TRMT112: variants seen among roughly 807,000 people sequenced by gnomAD.
The protein encoded by TRMT112 is tRNA methyltransferase activator subunit 11-2, also known as multifunctional methyltransferase subunit TRM112-like protein.
Under a neutral mutation model 13.8 loss-of-function variants are expected in TRMT112, and 9 were observed. The observed-to-expected ratio is 0.65, with a 90% CI of 0.39 to 1.14. TRMT112 has a LOEUF of 1.14. TRMT112 is among the 50% of genes most tolerant of loss of function. The pLI is 0.01. For synonymous variants in TRMT112, 64 were observed against 67.0 expected, an observed-to-expected ratio of 0.96 and a Z score of 0.22; for missense variants, 196 against 165.5, an observed-to-expected ratio of 1.18 and a Z score of -1.01.
chr11:64,317,330 G>T lies in TRMT112; in HGVS notation c.114C>A (p.Asn38Lys). 6.2e-7 allele frequency: 1 copy of T among 1,614,190 alleles called. No homozygotes were observed. Among genetic ancestry groups the T allele is most frequent in the Non-Finnish European group, 8.5e-7 (1 of 1,180,032 alleles). Residue 38 changes from asparagine to lysine, a missense_variant, in exon 2 of 4, where the codon AAC (asparagine) becomes AAA (lysine). Physicochemically the swap from Asn to Lys is moderately conservative, Grantham distance 94 (BLOSUM62 0). Transcript: ENST00000544844. ...TEVRICPVEFNPNFVARMIPK... is the reference protein window; with the variant it reads ...TEVRICPVEFKPNFVARMIPK... ...GTATCATACGCGCCACGAAGTTGGG[G>T]TTGAATTCCACAGGGCAGATACGGA...
intron 2 of TRMT112, 52 bp from the exon 3 acceptor site, chr11:64,317,199 G>A: frequency 6.2e-7 from 1 of 1,611,608 alleles, no homozygotes; most frequent in Non-Finnish European, 8.5e-7. Flanking sequence ...TCCCGCCTCA[G>A]CCCGGCTGAG....
rs2035300081 is a variant in TRMT112, at chr11:64,317,043, T to C, written c.270+15A>G. On this transcript the variant is annotated intron_variant, in intron 3 of 3. Transcript: ENST00000544844. Reference sequence around the variant, plus strand: ...GGCAGGTGGCCCGGGAAGCAAGTGATGGGCCGCTTCTCACCTCCAGCAGCA... The same window carrying C: ...GGCAGGTGGCCCGGGAAGCAAGTGACGGGCCGCTTCTCACCTCCAGCAGCA... 1 of 1,614,090 alleles carries C rather than the reference T, an allele frequency of 6.2e-7. No individual in the cohort carries two copies.
chr11:64,317,461 G>C lies in TRMT112; in HGVS notation c.66C>G (p.Pro22=), dbSNP rs938822025. 2.1e-5 allele frequency: 34 copies of C among 1,610,680 alleles called. No individual in the cohort carries two copies. Among genetic ancestry groups the C allele is most frequent in the Middle Eastern group, 1.6e-4 (1 of 6,080 alleles). The change falls in exon 1 of 4, where the codon CCC becomes CCG. Residue 22 remains proline, a synonymous_variant. Coordinates refer to ENST00000544844, the MANE Select transcript of TRMT112 (RefSeq NM_016404.3). ...CGCCGGCGGGTACCTGGAGGCGCAGGGGGAAGCCACGGGACCCCACCCCCC... is the reference window on the plus strand; with the variant it reads ...CGCCGGCGGGTACCTGGAGGCGCAGCGGGAAGCCACGGGACCCCACCCCCC... The part of the protein sequence containing the change: ...HVRGVGSRGF[P]LRLQATEVRI...
At position 64,317,259 on chromosome 11, in the gene TRMT112, C is replaced by T. The variant is rs954547880; in HGVS notation, c.180+5G>A. The T allele has an allele frequency of 6.2e-7, 1 of 1,610,114 alleles. No homozygotes were observed. Among genetic ancestry groups the T allele is most frequent in the African/African-American group, 1.3e-5 (1 of 74,830 alleles). ...GATATGCTGGGGCGGGGTAAGGATC[C>T]TCACGTTATCGGCCGCCTCCAGGAA... is the stretch of plus-strand genomic sequence containing the variant. On this transcript the variant is annotated splice_donor_5th_base_variant and intron_variant, in intron 2 of 3. Coordinates refer to ENST00000544844, the MANE Select transcript of TRMT112 (RefSeq NM_016404.3).
chr11:64,316,831 CATAA>C lies in TRMT112; in HGVS notation c.*26_*29del, dbSNP rs1203141967. ...GTATAGATCAACAAAAATACACAGTCATAACAAGAAAAACTGGCGCCTGGCACAA... is the reference window on the plus strand; with the variant it reads ...GTATAGATCAACAAAAATACACAGTCCAAGAAAAACTGGCGCCTGGCACAA... On this transcript the variant is annotated 3_prime_UTR_variant, in exon 4 of 4. Coordinates refer to ENST00000544844, the MANE Select transcript of TRMT112 (RefSeq NM_016404.3). The C allele has an allele frequency of 6.9e-7, 1 of 1,452,640 alleles. No homozygotes were observed. Among genetic ancestry groups the C allele is most frequent in the Non-Finnish European group, 9.7e-7 (1 of 1,034,674 alleles). The allele number at this position is 1,452,640 out of a possible 1,614,324, so 90.0% of individuals were successfully genotyped here. A position where few individuals can be genotyped will look rare whatever the true frequency, so the allele number is the denominator to read the frequency against.
upstream of TRMT112, chr11:64,318,180 G>C: frequency 1.2e-6 from 2 of 1,609,390 alleles, no homozygotes; most frequent in Non-Finnish European, 1.7e-6. Flanking sequence ...GGTGGCACCA[G>C]CCAGGAGGCG....
chr11:64,317,706 C>G (rs1356647215), upstream of TRMT112: 1 of 773,138 alleles, frequency 1.3e-6, no homozygotes, highest in East Asian at 2.8e-5. Context: ...TGTCGGGTCA[C>G]GCGCCGCTAC....
chr11:64,318,119 G>C, upstream of TRMT112: 1 of 1,535,094 alleles, frequency 6.5e-7, no homozygotes, highest in Non-Finnish European at 8.7e-7. Context: ...GCCCAGGCCC[G>C]CCTTCCGCAG....
upstream of TRMT112, chr11:64,318,448 C>CTAGT: frequency 6.5e-7 from 1 of 1,536,898 alleles, no homozygotes; most frequent in Non-Finnish European, 8.7e-7. Flanking sequence ...CCCCGTCCCG[C>CTAGT]TAGTCTGAGA....
At chr11:64,317,738 T>G, upstream of TRMT112, 4 of 741,314 alleles carry the variant, frequency 5.4e-6, no homozygotes, top group African/African-American at 1.8e-5. Context: ...CAGCAGGAGG[T>G]TCCTACGGCG....
chr11:64,317,051 T>G lies in TRMT112; in HGVS notation c.270+7A>C. The G allele has an allele frequency of 1.2e-6, 2 of 1,614,108 alleles. No homozygotes were observed. Among genetic ancestry groups the G allele is most frequent in the East Asian group, 2.2e-5 (1 of 44,882 alleles). On this transcript the variant is annotated splice_region_variant and intron_variant, in intron 3 of 3. Transcript: ENST00000544844. ...GCCCGGGAAGCAAGTGATGGGCCGC[T>G]TCTCACCTCCAGCAGCAGGTGGTGC...
At chr11:64,318,001 C>G, upstream of TRMT112, 3 of 1,411,924 alleles carry the variant, frequency 2.1e-6, no homozygotes, top group Non-Finnish European at 2.8e-6. Context: ...GCCGAAAGCT[C>G]CGCCCCATTT....
upstream of TRMT112, chr11:64,318,183 A>G (rs1565381127): frequency 1.2e-6 from 2 of 1,609,700 alleles, no homozygotes; most frequent in Middle Eastern, 2.3e-4. Context: ...GGCACCAGCC[A>G]GGAGGCGGAG....
chr11:64,318,230 C>T, upstream of TRMT112: 1 of 1,611,746 alleles, frequency 6.2e-7, no homozygotes, highest in Non-Finnish European at 8.5e-7. Context: ...GACTAGCTGG[C>T]GTGTGCGCCC....
rs2035305688 is a variant in TRMT112, at chr11:64,317,123, C to G, written c.205G>C (p.Gly69Arg). The change falls in exon 3 of 4, where the codon GGG (glycine) becomes CGG (arginine). Residue 69 changes from glycine (G) to arginine (R), a missense_variant. Physicochemically the swap from Gly to Arg is moderately radical, Grantham distance 125 (BLOSUM62 -2). Transcript: ENST00000544844. Reference sequence around the variant, plus strand: ...TTCTCCTCATATCCCTCAACCGGCCCTTTCGGCACCTGGATCAGACGCAAC... The same window carrying G: ...TTCTCCTCATATCCCTCAACCGGCCGTTTCGGCACCTGGATCAGACGCAAC... ...DNLRLIQVPK[G>R]PVEGYEENEE... The G allele has an allele frequency of 2.5e-6, 4 of 1,614,050 alleles. No homozygotes were observed. Among genetic ancestry groups the G allele is most frequent in the Non-Finnish European group, 3.4e-6 (4 of 1,180,032 alleles).
upstream of TRMT112, chr11:64,318,115 G>T: frequency 1.3e-6 from 2 of 1,527,270 alleles, no homozygotes; most frequent in South Asian, 2.5e-5. Flanking sequence ...GGCGGCCCAG[G>T]CCCGCCTTCC....
chr11:64,317,470 A>T lies in TRMT112; in HGVS notation c.57T>A (p.Arg19=). The T allele has an allele frequency of 6.2e-7, 1 of 1,609,260 alleles. No individual in the cohort carries two copies. The highest frequency in any genetic ancestry group is 2.2e-5 in the East Asian group (1 of 44,708). Residue 19 remains arginine (R), a synonymous_variant, in exon 1 of 4, where the codon CGT becomes CGA. Coordinates refer to ENST00000544844, the MANE Select transcript of TRMT112 (RefSeq NM_016404.3). ...GTACCTGGAGGCGCAGGGGGAAGCC[A>T]CGGGACCCCACCCCCCGCACATGCG... ...LSSHVRGVGS[R]GFPLRLQATE...
upstream of TRMT112, chr11:64,317,725 T>C (rs1440146195): frequency 9.3e-6 from 7 of 750,998 alleles, no homozygotes; most frequent in Middle Eastern, 1.8e-3. Context: ...ACCGGAAGCG[T>C]CTCAGCAGGA....
rs778202734 is a variant in TRMT112, at chr11:64,317,244, G to A, written c.180+20C>T. The A allele has an allele frequency of 1.3e-5, 21 of 1,608,030 alleles. No homozygotes were observed. The East Asian group carries it at 3.8e-4, about 29-fold the overall frequency. On this transcript the variant is annotated intron_variant, in intron 2 of 3. Transcript: ENST00000544844. ...CCCCGCATTCCCCGGGATATGCTGG[G>A]GCGGGGTAAGGATCCTCACGTTATC... is the stretch of plus-strand genomic sequence containing the variant.
Sources: allele counts gnomAD v4.1 joint callset, GRCh38; gene constraint gnomAD v4.1.1; transcripts MANE v1.5; gene names NCBI Gene and HGNC (gene_info 2026-07-23, HGNC 2026-07-21).